Variants in MARK1 observed in about 807,000 individuals in gnomAD.
The protein encoded by MARK1 is microtubule affinity regulating kinase 1, also known as serine/threonine-protein kinase MARK1.
Under a neutral mutation model 96.3 loss-of-function variants are expected in MARK1, and 40 were observed. That is an observed-to-expected ratio of 0.42 (90% CI 0.32 to 0.54). MARK1 has a LOEUF of 0.54. Among genes scored for constraint, MARK1 ranks in the 20% least tolerant of loss-of-function variants. The pLI is 0.16. For synonymous variants in MARK1, 317 were observed against 341.2 expected (o/e 0.93, Z 0.78); for missense variants, 719 against 984.6 (o/e 0.73, Z 3.61).
intron 13 of MARK1, among the ~76,000 whole-genome samples, chr1:220,645,499 A>C (rs1286024238): frequency 6.6e-6 from 1 of 152,010 alleles, no homozygotes; most frequent in East Asian, 1.9e-4. Flanking sequence ...AGAGGAGCTG[A>C]AACCATTTCT....
chr1:220,632,237 TA>T lies in MARK1; in HGVS notation c.1049del (p.Asn350MetfsTer4). 2 of 1,553,652 alleles carry T rather than the reference TA, an allele frequency of 1.3e-6. No individual in the cohort carries two copies. The highest frequency in any genetic ancestry group is 2.6e-5 in the South Asian group (2 of 77,820). ...ACCATGGGCTTTGCACGAGATGAAA[TA>T]AATGATGCCTTAATAAATCAGAAGT... is the stretch of plus-strand genomic sequence containing the variant. ...MVTMGFARDE[I>X]NDALINQKYD... On this transcript the variant is annotated frameshift_variant, in exon 11 of 18. Coordinates refer to ENST00000366917, the MANE Select transcript of MARK1 (RefSeq NM_018650.5). LOFTEE classifies it high-confidence loss of function.
chr1:220,550,744 T>C (rs1348378309), intron 1 of MARK1, among the ~76,000 whole-genome samples: 1 of 152,248 alleles, frequency 6.6e-6, no homozygotes, highest in Non-Finnish European at 1.5e-5. Flanking sequence ...GGAATTAACT[T>C]CACCTTGGTC....
At chr1:220,557,331 T>C (rs1387559608) in intron 1 of MARK1, among the ~76,000 whole-genome samples, 2 of 152,102 alleles carry the variant, frequency 1.3e-5, no homozygotes, top group Non-Finnish European at 2.9e-5. Context: ...TCCTAGCACT[T>C]TGGGAGGCCA....
rs1048717962 is a variant in MARK1 at position 220,544,785 on chromosome 1, T to C, written c.51+15912T>C. ...ATTATAGTTAACTACCTGTAAAGTA[T>C]ATGGTGACAGGTTTAACAAGACTAC... On this transcript the variant is annotated intron_variant, in intron 1 of 17. Transcript: ENST00000366917. 2.0e-5 allele frequency among the ~76,000 whole-genome samples: 3 copies of C among 152,220 alleles called. No individual in the cohort carries two copies. In the East Asian group the frequency reaches 5.8e-4, roughly 29 times the overall value.
intron 1 of MARK1, among the ~76,000 whole-genome samples, chr1:220,577,087 A>G (rs1663912078): frequency 1.3e-5 from 2 of 151,948 alleles, no homozygotes; most frequent in South Asian, 4.1e-4. Flanking sequence ...ATGAGACTCC[A>G]TCTCTACAAA....
intron 2 of MARK1, among the ~76,000 whole-genome samples, chr1:220,580,807 T>A (rs1460893433): frequency 6.6e-6 from 1 of 152,244 alleles, no homozygotes; most frequent in Non-Finnish European, 1.5e-5. Context: ...GGATGATTTT[T>A]ACTTTAAAGA....
At chr1:220,648,115 C>G (rs893399491) in intron 13 of MARK1, among the ~76,000 whole-genome samples, 7 of 151,148 alleles carry the variant, frequency 4.6e-5, no homozygotes, top group African/African-American at 1.7e-4. Context: ...GAAGAGATTT[C>G]TTTTAGGAAG....
chr1:220,552,918 G>A (rs547474464), intron 1 of MARK1, among the ~76,000 whole-genome samples: 54 of 152,132 alleles, frequency 3.5e-4, no homozygotes, highest in Non-Finnish European at 7.2e-4. Context: ...GTTCTATGAA[G>A]CTGACAGATT....
chr1:220,561,945 T>C (rs757370529), intron 1 of MARK1, among the ~76,000 whole-genome samples: 2 of 152,178 alleles, frequency 1.3e-5, no homozygotes, highest in Admixed American at 1.3e-4. Context: ...AAACTTACCA[T>C]GAGAAGAAGG....
At chr1:220,538,655 C>G (rs570367873) in intron 1 of MARK1, among the ~76,000 whole-genome samples, 2,336 of 151,532 alleles carry the variant, frequency 0.015, 31 homozygotes, top group Middle Eastern at 0.044. Flanking sequence ...TATAAATTAC[C>G]TTGGGCAGTA....
intron 1 of MARK1, among the ~76,000 whole-genome samples, chr1:220,543,427 A>G (rs1661276551): frequency 6.6e-6 from 1 of 152,198 alleles, no homozygotes; most frequent in African/African-American, 2.4e-5. Flanking sequence ...ATACTTTTTA[A>G]TATGCATAAT....
At chr1:220,571,484 A>G (rs956088821) in intron 1 of MARK1, among the ~76,000 whole-genome samples, 1 of 152,198 alleles carries the variant, frequency 6.6e-6, no homozygotes, top group African/African-American at 2.4e-5. Flanking sequence ...CACTGACAAC[A>G]TCCACCATCG....
intron 5 of MARK1, among the ~76,000 whole-genome samples, chr1:220,603,189 G>T (rs550788453): frequency 1.1e-3 from 171 of 151,814 alleles, no homozygotes; most frequent in African/African-American, 4.0e-3. Flanking sequence ...AAATTATAAG[G>T]ACACAAAAAT....
chr1:220,595,449 C>T (rs796864460), intron 3 of MARK1, among the ~76,000 whole-genome samples: 10 of 152,290 alleles, frequency 6.6e-5, no homozygotes, highest in African/African-American at 2.4e-4. Context: ...AAGGCTGACT[C>T]CCATTGTCCA....
chr1:220,555,179 G>C (rs563099253), intron 1 of MARK1, among the ~76,000 whole-genome samples: 1 of 152,274 alleles, frequency 6.6e-6, no homozygotes, highest in East Asian at 1.9e-4. Flanking sequence ...GCTTTGATTG[G>C]TGGATCACAG....
chr1:220,586,839 A>T (rs994679814), intron 3 of MARK1, among the ~76,000 whole-genome samples: 1 of 152,144 alleles, frequency 6.6e-6, no homozygotes, highest in African/African-American at 2.4e-5. Context: ...TCGTATTTTC[A>T]TGTTTTTCTA....
chr1:220,600,892 C>CTTTTTTTTTTTTTTTTTTTTT (rs11417176), intron 5 of MARK1, among the ~76,000 whole-genome samples: 1 of 144,258 alleles, frequency 6.9e-6, no homozygotes, highest in Non-Finnish European at 1.5e-5. Flanking sequence ...TTTTCTTTTT[C>CTTTTTTTTTTTTTTTTTTTTT]TTTTTTTTTT....
chr1:220,630,559 G>T (rs1420672825), intron 9 of MARK1, among the ~76,000 whole-genome samples: 1 of 151,844 alleles, frequency 6.6e-6, no homozygotes, highest in Non-Finnish European at 1.5e-5. Context: ...CATTATCTTA[G>T]CTATCTTTAT....
At chr1:220,611,246 G>A (rs545240209) in intron 6 of MARK1, among the ~76,000 whole-genome samples, 2 of 152,264 alleles carry the variant, frequency 1.3e-5, no homozygotes, top group South Asian at 4.2e-4. Flanking sequence ...CAAGCTTCCT[G>A]GCTGCTTTGT....
Sources: gnomAD v4.1 joint callset for allele counts (sites outside exome capture counted in the v4.1 genomes callset) on GRCh38, gnomAD v4.1.1 for gene constraint, MANE v1.5 for transcripts, NCBI Gene and HGNC (gene_info 2026-07-23, HGNC 2026-07-21) for gene names.